EEF1AKMT1: variants seen among roughly 807,000 people sequenced by gnomAD.
EEF1AKMT1 encodes the protein EEF1A lysine methyltransferase 1.
Under a neutral mutation model 21.0 loss-of-function variants are expected in EEF1AKMT1, and 18 were observed. The observed-to-expected ratio is 0.86, with a 90% CI of 0.59 to 1.27. The LOEUF (loss-of-function observed/expected upper bound fraction) is 1.27, where lower values mean the gene tolerates loss of function less well. Among genes scored for constraint, EEF1AKMT1 ranks in the 50% most tolerant of loss-of-function variants. EEF1AKMT1 has a pLI of 0.00. For missense variants in EEF1AKMT1, 246 were observed against 258.6 expected, an observed-to-expected ratio of 0.95 and a Z score of 0.33; for synonymous variants, 109 against 94.8, an observed-to-expected ratio of 1.15 and a Z score of -0.87.
chr13:20,730,710 C>G (rs2058787611), intron 4 of EEF1AKMT1, among the ~76,000 whole-genome samples: 1 of 152,092 alleles, frequency 6.6e-6, no homozygotes, highest in Admixed American at 6.6e-5. Flanking sequence ...AATCAGCACT[C>G]TGTAAAATGG....
At position 20,738,792 on chromosome 13, in the gene EEF1AKMT1, CAGT is replaced by C. The variant is rs982158306; in HGVS notation, c.145-990_145-988del. Among the ~76,000 whole-genome samples, 25 of 152,180 alleles carry C rather than the reference CAGT, an allele frequency of 1.6e-4. 1 individual carries two copies. The highest frequency in any genetic ancestry group is 5.8e-4 in the African/African-American group (24 of 41,424). ...GTCCCGAGTAGCAAGTCTACAAAGA[CAGT>C]AGATTAGTGGTTGCCAGGTGTTGGG... On this transcript the variant is annotated intron_variant, in intron 2 of 4. Transcript: ENST00000382758.
intron 2 of EEF1AKMT1, among the ~76,000 whole-genome samples, chr13:20,748,342 G>A (rs2058919595): frequency 6.6e-6 from 1 of 152,064 alleles, no homozygotes; most frequent in Non-Finnish European, 1.5e-5. Flanking sequence ...AGGTGAGGCA[G>A]GAGAATGGCG....
At chr13:20,753,832 T>G (rs898516084) in intron 2 of EEF1AKMT1, among the ~76,000 whole-genome samples, 1 of 152,186 alleles carries the variant, frequency 6.6e-6, no homozygotes, top group African/African-American at 2.4e-5. Flanking sequence ...GAGTTTCTTG[T>G]AGGCAGCATA....
chr13:20,733,846 A>G (rs151033054), intron 3 of EEF1AKMT1, among the ~76,000 whole-genome samples: 21 of 152,368 alleles, frequency 1.4e-4, no homozygotes, highest in Middle Eastern at 3.4e-3. Context: ...TTTAAAAATT[A>G]CGCTCAGCTT....
chr13:20,763,659 G>A (rs1001265506), intron 1 of EEF1AKMT1, among the ~76,000 whole-genome samples: 13 of 151,950 alleles, frequency 8.6e-5, no homozygotes, highest in African/African-American at 3.1e-4. Flanking sequence ...CACCATGTTG[G>A]CCAGGCCAGT....
intron 2 of EEF1AKMT1, among the ~76,000 whole-genome samples, chr13:20,752,359 A>T (rs977513825): frequency 6.6e-6 from 1 of 152,002 alleles, no homozygotes; most frequent in Non-Finnish European, 1.5e-5. Context: ...TCATGAAGGG[A>T]TGTTGAATTT....
intron 3 of EEF1AKMT1, among the ~76,000 whole-genome samples, chr13:20,735,254 G>A (rs965510590): frequency 3.3e-5 from 5 of 152,128 alleles, no homozygotes; most frequent in Non-Finnish European, 7.3e-5. Flanking sequence ...GGCCAAAACT[G>A]GGAGGTTTTA....
At chr13:20,764,297 C>G (rs1481553018) in intron 1 of EEF1AKMT1, among the ~76,000 whole-genome samples, 1 of 152,126 alleles carries the variant, frequency 6.6e-6, no homozygotes, top group African/African-American at 2.4e-5. Context: ...AAATTTCTCT[C>G]TGGCCCATAT....
At chr13:20,729,414 T>C (rs983021230) in intron 4 of EEF1AKMT1, among the ~76,000 whole-genome samples, 198 bp from the exon 5 acceptor site, 2 of 152,112 alleles carry the variant, frequency 1.3e-5, no homozygotes, top group African/African-American at 4.8e-5. Flanking sequence ...CTTTTTTCCA[T>C]GTCTTTTTTA....
intron 2 of EEF1AKMT1, among the ~76,000 whole-genome samples, chr13:20,748,435 A>T (rs79790138): frequency 6.8e-6 from 1 of 147,622 alleles, no homozygotes; most frequent in South Asian, 2.1e-4. Context: ...ACTCCGTCCA[A>T]AAAAAAAAAA....
intron 1 of EEF1AKMT1, among the ~76,000 whole-genome samples, chr13:20,770,882 ATT>A (rs753381466): frequency 6.2e-5 from 9 of 145,598 alleles, no homozygotes; most frequent in Admixed American, 6.9e-5. Context: ...TGACATATAA[ATT>A]TTTTTTTTTT....
At chr13:20,731,218 C>T (rs1339319634) in intron 4 of EEF1AKMT1, among the ~76,000 whole-genome samples, 2 of 152,176 alleles carry the variant, frequency 1.3e-5, no homozygotes, top group Non-Finnish European at 1.5e-5. Context: ...TGCTGTGTTG[C>T]CCAGCCTGGT....
intron 2 of EEF1AKMT1, 82 bp from the exon 3 acceptor site, chr13:20,737,887 G>T: frequency 1.1e-6 from 1 of 874,376 alleles, no homozygotes; most frequent in South Asian, 1.9e-5. Flanking sequence ...CTATACCAGT[G>T]GACAGATATT....
At chr13:20,761,017 TATA>T (rs1222586285) in intron 1 of EEF1AKMT1, among the ~76,000 whole-genome samples, 1 of 152,246 alleles carries the variant, frequency 6.6e-6, no homozygotes, top group African/African-American at 2.4e-5. Flanking sequence ...TAGTAACTTA[TATA>T]ACTACAGTGC....
At position 20,729,140 on chromosome 13, in the gene EEF1AKMT1, G is replaced by A. The variant is rs370862402; in HGVS notation, c.585C>T (p.Asn195=). 9 of 1,614,086 alleles carry A rather than the reference G, an allele frequency of 5.6e-6. No individual in the cohort carries two copies. The highest frequency in any genetic ancestry group is 7.6e-6 in the Non-Finnish European group (9 of 1,180,052). ...CATAACAGCGAAACTCATTTGCCAAGTTCCGGGTGTGTCTTGGAACAAACG... is the reference window on the plus strand; with the variant it reads ...CATAACAGCGAAACTCATTTGCCAAATTCCGGGTGTGTCTTGGAACAAACG... ...MCTFVPRHTR[N]LANEFRCYVN... The change falls in exon 5 of 5, where the codon AAC becomes AAT. Residue 195 remains asparagine, a synonymous_variant. Transcript: ENST00000382758.
chr13:20,765,969 T>C (rs184258422), intron 1 of EEF1AKMT1, among the ~76,000 whole-genome samples: 1 of 151,966 alleles, frequency 6.6e-6, no homozygotes, highest in East Asian at 1.9e-4. Flanking sequence ...AAGTCTAACA[T>C]CAAGTAGGCA....
chr13:20,743,481 T>A (rs947696368), intron 2 of EEF1AKMT1, among the ~76,000 whole-genome samples: 1 of 151,280 alleles, frequency 6.6e-6, no homozygotes, highest in African/African-American at 2.4e-5. Flanking sequence ...AGGACTCAAT[T>A]TACATCTGTC....
At chr13:20,764,908 C>CACAA (rs2059019595) in intron 1 of EEF1AKMT1, among the ~76,000 whole-genome samples, 1 of 150,700 alleles carries the variant, frequency 6.6e-6, no homozygotes, top group Non-Finnish European at 1.5e-5. Flanking sequence ...CACACACACA[C>CACAA]ACACACACAC....
intron 4 of EEF1AKMT1, among the ~76,000 whole-genome samples, chr13:20,731,258 C>G (rs1051607470): frequency 6.6e-6 from 1 of 152,220 alleles, no homozygotes; most frequent in Non-Finnish European, 1.5e-5. Context: ...GTAATCCTCC[C>G]ACCTTGAAGT....
Sources: allele counts gnomAD v4.1 joint callset (sites outside exome capture counted in the v4.1 genomes callset), GRCh38; gene constraint gnomAD v4.1.1; transcripts MANE v1.5; gene names NCBI Gene and HGNC (gene_info 2026-07-23, HGNC 2026-07-21).